HUWE1: variants seen among roughly 807,000 people sequenced by gnomAD.
The protein encoded by HUWE1 is E3 ubiquitin-protein ligase HUWE1.
In HUWE1, 18 loss-of-function variants were observed where a neutral mutation model predicts 299.4. The observed-to-expected ratio is 0.06, with a 90% CI of 0.04 to 0.09. The LOEUF (loss-of-function observed/expected upper bound fraction) is 0.09. HUWE1 is among the 10% of genes least tolerant of loss of function. The probability of loss-of-function intolerance (pLI) is 1.00; values close to 1 mark genes in which losing one functional copy is unlikely to be tolerated. For missense variants in HUWE1, 1,832 were observed against 3,462.3 expected (o/e 0.53, Z 11.82); for synonymous variants, 1,317 against 1,286.1 (o/e 1.02, Z -0.51).
intron 42 of HUWE1, among the ~76,000 whole-genome samples, chrX:53,581,577 G>A (rs782405687): frequency 1.2e-4 from 13 of 111,678 alleles, no homozygotes; most frequent in Middle Eastern, 4.2e-3. Flanking sequence ...ATGAAAGCAC[G>A]AAGAAAATAA....
chrX:53,538,067 C>T (rs980199829), intron 77 of HUWE1, among the ~76,000 whole-genome samples: 1 of 111,644 alleles, frequency 9.0e-6, no homozygotes, highest in African/African-American at 3.3e-5. Flanking sequence ...TGTACTACCC[C>T]CAACGGATGG....
chrX:53,571,191 C>A (rs1219784739), intron 47 of HUWE1, among the ~76,000 whole-genome samples: 1 of 111,764 alleles, frequency 8.9e-6, no homozygotes, highest in Non-Finnish European at 1.9e-5. Context: ...TTACCAGTAC[C>A]CAGTACTGGT....
At position 53,545,079 on chromosome X, in the gene HUWE1, C is replaced by A; in HGVS notation, c.10998G>T (p.Leu3666=). ...AQCETLSPDG[L]PEEQPQTTKL... Reference sequence around the variant, plus strand: ...TGGTGGTCTGTGGCTGCTCCTCAGGCAGGCCATCAGGAGAGAGGGTTTCAC... The same window carrying A: ...TGGTGGTCTGTGGCTGCTCCTCAGGAAGGCCATCAGGAGAGAGGGTTTCAC... Residue 3666 remains leucine, a synonymous_variant, in exon 71 of 84, where the codon CTG becomes CTT. Coordinates refer to ENST00000262854, the MANE Select transcript of HUWE1 (RefSeq NM_031407.7). The A allele has an allele frequency of 8.3e-7, 1 of 1,209,776 alleles. No homozygotes were observed.
chrX:53,562,073 A>G (rs782301049), intron 54 of HUWE1, 38 bp downstream of exon 54: 2 of 1,211,133 alleles, frequency 1.7e-6, no homozygotes, highest in South Asian at 1.8e-5. Flanking sequence ...CCCATGGAAG[A>G]GGTCATCTGA....
intron 59 of HUWE1, 34 bp from the exon 60 acceptor site, chrX:53,557,461 T>C (rs1556936226): frequency 8.8e-7 from 1 of 1,136,009 alleles, no homozygotes; most frequent in Non-Finnish European, 1.2e-6. Context: ...ATGTGGGACT[T>C]TGCAAGCACC....
At chrX:53,578,356 G>GC (rs1569463276) in intron 43 of HUWE1, among the ~76,000 whole-genome samples, 2 of 103,451 alleles carry the variant, frequency 1.9e-5, no homozygotes, top group African/African-American at 7.2e-5. Flanking sequence ...AGGGAGGTGG[G>GC]GGGGGGTCAG....
chrX:53,654,015 A>ATT (rs1557041692), intron 4 of HUWE1, 48 bp downstream of exon 4: 5 of 952,511 alleles, frequency 5.2e-6, no homozygotes, highest in Non-Finnish European at 7.4e-6. Context: ...ATATTTTTTT[A>ATT]TTTTTTAATG....
At chrX:53,626,264 C>T (rs1022250136) in intron 17 of HUWE1, among the ~76,000 whole-genome samples, 2 of 105,845 alleles carry the variant, frequency 1.9e-5, no homozygotes, top group African/African-American at 7.0e-5. Flanking sequence ...TGTAAATTAA[C>T]AATCCTACAG....
At chrX:53,585,982 G>A (rs2063837952) in intron 39 of HUWE1, among the ~76,000 whole-genome samples, 2 of 112,048 alleles carry the variant, frequency 1.8e-5, no homozygotes, top group South Asian at 7.4e-4. Flanking sequence ...AGCCTACAGT[G>A]CCCAGCCTAT....
intron 60 of HUWE1, among the ~76,000 whole-genome samples, chrX:53,556,744 A>T (rs998797291): frequency 1.8e-5 from 2 of 112,101 alleles, no homozygotes; most frequent in Non-Finnish European, 3.8e-5. Context: ...AAATTTAATT[A>T]AAAAAAGAAC....
chrX:53,533,720 C>G lies in HUWE1; in HGVS notation c.13022+287G>C, dbSNP rs2060872409. 6.8e-6 allele frequency: 3 copies of G among 440,133 alleles called. No homozygotes were observed. In the Admixed American group the frequency reaches 1.2e-4, roughly 17 times the overall value. The allele number at this position is 440,133 out of a possible 1,213,427, so 36.3% of individuals were successfully genotyped here. On this transcript the variant is annotated intron_variant, in intron 83 of 83. Transcript: ENST00000262854. Reference sequence around the variant, plus strand: ...CTGGTAATCGGACCTCTGCTGAGCTCTTTAGACTTTTGCTCCCTGCAACTC... The same window carrying G: ...CTGGTAATCGGACCTCTGCTGAGCTGTTTAGACTTTTGCTCCCTGCAACTC...
At chrX:53,592,924 T>C (rs1556980685) in intron 32 of HUWE1, among the ~76,000 whole-genome samples, 1 of 111,571 alleles carries the variant, frequency 9.0e-6, no homozygotes, top group African/African-American at 3.3e-5. Flanking sequence ...GTCTTCATGA[T>C]AGTGAGTTAG....
At position 53,549,256 on chromosome X, in the gene HUWE1, A is replaced by G; in HGVS notation, c.9738T>C (p.Thr3246=). ...SELCIETPKL[T]TSEEKGKKSS... is the part of the protein sequence containing the mutation. ...ACTTTTTGCCCTTTTCCTCACTTGT[A>G]GTGAGTTTGGGTGTTTCAATGCATA... The change falls in exon 67 of 84, where the codon ACT becomes ACC. Residue 3246 remains threonine, a synonymous_variant. Coordinates refer to ENST00000262854, the MANE Select transcript of HUWE1 (RefSeq NM_031407.7). 1 of 1,211,443 alleles carries G rather than the reference A, an allele frequency of 8.3e-7. No homozygotes were observed. The highest frequency in any genetic ancestry group is 1.1e-6 in the Non-Finnish European group (1 of 895,436).
intron 3 of HUWE1, among the ~76,000 whole-genome samples, chrX:53,670,482 T>C (rs1301711329): frequency 1.8e-5 from 2 of 111,534 alleles, no homozygotes; most frequent in Admixed American, 9.5e-5. Flanking sequence ...ATAGGAAATA[T>C]AGGGTATCAT....
chrX:53,634,905 C>A (rs1178990935), intron 7 of HUWE1, among the ~76,000 whole-genome samples: 1 of 112,508 alleles, frequency 8.9e-6, no homozygotes, highest in East Asian at 2.8e-4. Flanking sequence ...AAATACAAAA[C>A]TTCAGCCACA....
chrX:53,656,085 A>G (rs1202081134), intron 3 of HUWE1, among the ~76,000 whole-genome samples: 5 of 110,135 alleles, frequency 4.5e-5, no homozygotes, highest in Non-Finnish European at 9.5e-5. Flanking sequence ...TCTTAAAAAA[A>G]CAAAGGCCAG....
At chrX:53,540,901 A>C (rs1269229881) in intron 74 of HUWE1, among the ~76,000 whole-genome samples, 2 of 111,482 alleles carry the variant, frequency 1.8e-5, no homozygotes, top group Non-Finnish European at 3.8e-5. Flanking sequence ...CCAAATCCTG[A>C]CTATTCTTCA....
chrX:53,619,590 G>GAAAAAAAAA (rs35685121), intron 19 of HUWE1, among the ~76,000 whole-genome samples: 35 of 41,068 alleles, frequency 8.5e-4, no homozygotes, highest in Non-Finnish European at 1.2e-3. Context: ...AGAAATAGAA[G>GAAAAAAAAA]AAAAAAAAAA....
At chrX:53,619,104 G>C (rs1326816178) in intron 19 of HUWE1, among the ~76,000 whole-genome samples, 1 of 111,358 alleles carries the variant, frequency 9.0e-6, no homozygotes, top group Non-Finnish European at 1.9e-5. Flanking sequence ...GAAACCAGAG[G>C]ATTTTCTATT....
Sources: allele counts gnomAD v4.1 joint callset (sites outside exome capture counted in the v4.1 genomes callset), GRCh38; gene constraint gnomAD v4.1.1; transcripts MANE v1.5; gene names NCBI Gene and HGNC (gene_info 2026-07-23, HGNC 2026-07-21).